CACNG2: variants seen among roughly 807,000 people sequenced by gnomAD.
CACNG2 encodes voltage-dependent calcium channel gamma-2 subunit.
In CACNG2, 3 loss-of-function variants were observed where a neutral mutation model predicts 25.9. The ratio of observed to expected loss-of-function variants is 0.12; its 90% CI spans 0.05 to 0.30. CACNG2 has a LOEUF of 0.30. CACNG2 is among the 10% of genes least tolerant of loss of function. The pLI is 1.00. For missense variants in CACNG2, 341 were observed against 432.5 expected, an observed-to-expected ratio of 0.79 and a Z score of 1.88; for synonymous variants, 167 against 173.3, an observed-to-expected ratio of 0.96 and a Z score of 0.29.
intron 1 of CACNG2, among the ~76,000 whole-genome samples, chr22:36,594,787 G>C (rs1935650212): frequency 6.6e-6 from 1 of 150,652 alleles, no homozygotes; most frequent in African/African-American, 2.4e-5. Flanking sequence ...GTGTGTCTGT[G>C]TGTGTGTCTT....
chr22:36,587,781 T>C (rs114868988), intron 1 of CACNG2, among the ~76,000 whole-genome samples: 3,078 of 152,342 alleles, frequency 0.02, 113 homozygotes, highest in African/African-American at 0.071. Context: ...CGCTGCCTTC[T>C]GTCCCTGCAC....
At chr22:36,685,938 C>G (rs1937190610) in intron 1 of CACNG2, among the ~76,000 whole-genome samples, 1 of 152,204 alleles carries the variant, frequency 6.6e-6, no homozygotes, top group South Asian at 2.1e-4. Context: ...ATTTATTCAC[C>G]AAGAGCTTGA....
chr22:36,594,816 CTG>C (rs1047288229), intron 1 of CACNG2, among the ~76,000 whole-genome samples: 1 of 130,656 alleles, frequency 7.7e-6, no homozygotes, highest in Non-Finnish European at 1.6e-5. Context: ...GGATGTGTGT[CTG>C]TGTGTGTACA....
At chr22:36,661,131 G>A (rs961038165) in intron 1 of CACNG2, among the ~76,000 whole-genome samples, 5 of 152,166 alleles carry the variant, frequency 3.3e-5, no homozygotes, top group Non-Finnish European at 7.4e-5. Context: ...CAGGCACACC[G>A]TTTGAGAGCA....
intron 1 of CACNG2, among the ~76,000 whole-genome samples, chr22:36,629,900 C>T (rs1936242162): frequency 6.6e-6 from 1 of 152,102 alleles, no homozygotes; most frequent in East Asian, 1.9e-4. Context: ...GCAAAGCCTA[C>T]AGGAAGGAAT....
chr22:36,592,982 A>T (rs1171141846), intron 1 of CACNG2, among the ~76,000 whole-genome samples: 3 of 151,670 alleles, frequency 2.0e-5, no homozygotes, highest in Non-Finnish European at 1.5e-5. Context: ...CAGTAGGGAG[A>T]CTCTTCTTCT....
At chr22:36,613,034 G>A (rs377055510) in intron 1 of CACNG2, among the ~76,000 whole-genome samples, 1 of 152,200 alleles carries the variant, frequency 6.6e-6, no homozygotes, top group South Asian at 2.1e-4. Flanking sequence ...ACAAGGGGAG[G>A]TTAAATAGGT....
rs150883250 is a variant in CACNG2 at position 36,596,885 on chromosome 22, G to C, written c.212-9337C>G. On this transcript the variant is annotated intron_variant, in intron 1 of 3. Coordinates refer to ENST00000300105, the MANE Select transcript of CACNG2 (RefSeq NM_006078.5). ...AGATCCTCCCACCTCAGCCTCCCGG[G>C]TAGCTGTGACTACAGGCATGTGCCC... is the stretch of plus-strand genomic sequence containing the variant. Among the ~76,000 whole-genome samples the C allele has an allele frequency of 1.6e-3, 249 of 152,154 alleles. 1 individual carries two copies. Among genetic ancestry groups the C allele is most frequent in the African/African-American group, 5.2e-3 (216 of 41,492 alleles).
At chr22:36,607,526 G>C (rs951816368) in intron 1 of CACNG2, among the ~76,000 whole-genome samples, 1 of 152,178 alleles carries the variant, frequency 6.6e-6, no homozygotes, top group African/African-American at 2.4e-5. Context: ...TTACAGATGT[G>C]AGCCACTGCA....
At chr22:36,651,614 C>T (rs1187210144) in intron 1 of CACNG2, among the ~76,000 whole-genome samples, 1 of 152,114 alleles carries the variant, frequency 6.6e-6, no homozygotes, top group Non-Finnish European at 1.5e-5. Context: ...TAGAAACATG[C>T]TATATATTTT....
At chr22:36,612,164 A>C (rs1025005698) in intron 1 of CACNG2, among the ~76,000 whole-genome samples, 2 of 152,210 alleles carry the variant, frequency 1.3e-5, no homozygotes, top group Non-Finnish European at 2.9e-5. Flanking sequence ...GTGGGTTCAA[A>C]TCTCAGGGCT....
chr22:36,577,517 G>GC (rs1270188019), intron 2 of CACNG2, among the ~76,000 whole-genome samples: 5 of 152,032 alleles, frequency 3.3e-5, no homozygotes, highest in Non-Finnish European at 7.4e-5. Context: ...AGGCGTGGTG[G>GC]CGCAGGCCCG....
chr22:36,580,669 C>A (rs73413788), intron 2 of CACNG2, among the ~76,000 whole-genome samples: 1,766 of 152,232 alleles, frequency 0.012, 29 homozygotes, highest in African/African-American at 0.038. Flanking sequence ...CCTGACCATA[C>A]CCCGCAGTCC....
chr22:36,612,764 A>G (rs988114494), intron 1 of CACNG2, among the ~76,000 whole-genome samples: 1 of 152,176 alleles, frequency 6.6e-6, no homozygotes, highest in Admixed American at 6.5e-5. Flanking sequence ...GCTTGCTACC[A>G]CTTAGCAGAT....
chr22:36,676,797 G>A (rs1229313704), intron 1 of CACNG2, among the ~76,000 whole-genome samples: 2 of 152,110 alleles, frequency 1.3e-5, no homozygotes, highest in Non-Finnish European at 2.9e-5. Flanking sequence ...CTCCATATCC[G>A]GTGCTGTTCC....
intron 1 of CACNG2, among the ~76,000 whole-genome samples, chr22:36,661,277 C>T (rs1391788795): frequency 6.6e-6 from 1 of 152,204 alleles, no homozygotes; most frequent in Non-Finnish European, 1.5e-5. Flanking sequence ...TGGGGAGCAA[C>T]ATTTACATGC....
chr22:36,693,947 G>A (rs1446343211), intron 1 of CACNG2, among the ~76,000 whole-genome samples: 1 of 152,194 alleles, frequency 6.6e-6, no homozygotes, highest in Non-Finnish European at 1.5e-5. Flanking sequence ...CACAGATTGA[G>A]TCTTTCAACT....
At chr22:36,673,649 C>T (rs1342772111) in intron 1 of CACNG2, among the ~76,000 whole-genome samples, 1 of 151,924 alleles carries the variant, frequency 6.6e-6, no homozygotes, top group African/African-American at 2.4e-5. Flanking sequence ...TGGGAGGCTG[C>T]CCCTTCACCA....
At chr22:36,629,653 T>C (rs1466046841) in intron 1 of CACNG2, among the ~76,000 whole-genome samples, 1 of 151,772 alleles carries the variant, frequency 6.6e-6, no homozygotes, top group Non-Finnish European at 1.5e-5. Context: ...AGAATACAAG[T>C]CAGACAAGTA....
Sources: allele counts gnomAD v4.1 joint callset (sites outside exome capture counted in the v4.1 genomes callset), GRCh38; gene constraint gnomAD v4.1.1; transcripts MANE v1.5; gene names NCBI Gene and HGNC (gene_info 2026-07-23, HGNC 2026-07-21).